NEK10: variants seen among roughly 807,000 people sequenced by gnomAD.
NEK10 encodes serine/threonine-protein kinase Nek10.
NEK10 carries 122 observed loss-of-function variants against 159.8 expected under a neutral mutation model. The ratio of observed to expected loss-of-function variants is 0.76; its 90% confidence interval spans 0.66 to 0.89. NEK10 has a LOEUF of 0.89. Among genes scored for constraint, NEK10 ranks in the 40% least tolerant of loss-of-function variants. The pLI is 0.00. For synonymous variants in NEK10, 466 were observed against 457.1 expected (o/e 1.02, Z -0.25); for missense variants, 1,342 against 1,323.1 (o/e 1.01, Z -0.22).
rs2047536702 is a variant in NEK10 at position 27,346,154 on chromosome 3, C to A, written c.195G>T (p.Arg65Ser). 1 of 1,613,622 alleles carries A rather than the reference C, an allele frequency of 6.2e-7. No individual in the cohort carries two copies. The highest frequency in any genetic ancestry group is 1.7e-5 in the Admixed American group (1 of 59,978). ...NSMTKSEPAI[R>S]AGGHRARGQW... ...GACCCCGAGCTCTGTGTCCACCCGC[C>A]CTGATGGCGGGCTCAGACTTCGTCA... is the stretch of plus-strand genomic sequence containing the variant. Residue 65 changes from arginine to serine, a missense_variant, in exon 4 of 36, where the codon AGG (arginine) becomes AGT (serine). By Grantham distance (110) the Arg-to-Ser change is moderately radical (BLOSUM62 -1). Transcript: ENST00000691995.
chr3:27,112,513 A>G (rs1433406943), intron 35 of NEK10, among the ~76,000 whole-genome samples: 1 of 152,192 alleles, frequency 6.6e-6, no homozygotes, highest in African/African-American at 2.4e-5. Flanking sequence ...AATGAGAACA[A>G]CAGAGATCTG....
chr3:27,117,861 C>T (rs990065421), intron 33 of NEK10, among the ~76,000 whole-genome samples: 26 of 152,114 alleles, frequency 1.7e-4, no homozygotes, highest in Non-Finnish European at 3.7e-4. Flanking sequence ...GTTATAATTG[C>T]TTTTGGCATT....
At chr3:27,280,155 C>G (rs1447951665) in intron 22 of NEK10, among the ~76,000 whole-genome samples, 2 of 143,214 alleles carry the variant, frequency 1.4e-5, no homozygotes, top group Admixed American at 1.4e-4. Context: ...ATGTTACTAA[C>G]CCACAGGAAC....
chr3:27,134,985 T>G (rs571378977), intron 31 of NEK10, among the ~76,000 whole-genome samples: 71 of 152,190 alleles, frequency 4.7e-4, no homozygotes, highest in Non-Finnish European at 7.2e-4. Flanking sequence ...AAGTACTATT[T>G]TATAGGTGAG....
At position 27,332,233 on chromosome 3, in the gene NEK10, T is replaced by C. The variant is rs559144095; in HGVS notation, c.363-9972A>G. 2.0e-5 allele frequency among the ~76,000 whole-genome samples: 3 copies of C among 152,356 alleles called. No homozygotes were observed. The East Asian group carries it at 5.8e-4, about 29-fold the overall frequency. On this transcript the variant is annotated intron_variant, in intron 5 of 35. Coordinates refer to ENST00000691995, the MANE Select transcript of NEK10 (RefSeq NM_001394966.1). ...TTTACGTTTAACAAAATTTAAGTTA[T>C]ACTGCAACATTGCCCTGGTAACTAG...
At chr3:27,200,454 A>G (rs918395522) in intron 25 of NEK10, among the ~76,000 whole-genome samples, 4 of 152,194 alleles carry the variant, frequency 2.6e-5, no homozygotes, top group African/African-American at 9.7e-5. Context: ...ACCCAACTTA[A>G]GTACTCAAGA....
At chr3:27,203,963 G>A (rs886598407) in intron 23 of NEK10, among the ~76,000 whole-genome samples, 2 of 152,056 alleles carry the variant, frequency 1.3e-5, no homozygotes, top group African/African-American at 4.8e-5. Flanking sequence ...TGTACAAAAA[G>A]TATTCCCTGC....
chr3:27,192,100 T>A lies in NEK10; in HGVS notation c.2434A>T (p.Thr812Ser). 6.2e-7 allele frequency: 1 copy of A among 1,614,232 alleles called. No individual in the cohort carries two copies. Among genetic ancestry groups the A allele is most frequent in the Non-Finnish European group, 8.5e-7 (1 of 1,180,036 alleles). The change falls in exon 26 of 36, where the codon ACA becomes TCA. Residue 812 changes from threonine to serine, a missense_variant. Thr to Ser is a moderately conservative substitution (Grantham distance 58). Coordinates refer to ENST00000691995, the MANE Select transcript of NEK10 (RefSeq NM_001394966.1). ...TTGGCTTCCATAAAATACCTTTGTG[T>A]GCGTCTTCGTTCCCGTTCTAGCTTC... ...EKKLERERRR[T>S]QRYFMEANRN...
intron 22 of NEK10, among the ~76,000 whole-genome samples, chr3:27,257,288 AT>A (rs1956302822): frequency 6.6e-6 from 1 of 152,218 alleles, no homozygotes; most frequent in South Asian, 2.1e-4. Context: ...TTTGCTACAG[AT>A]TCACAGATAT....
intron 7 of NEK10, among the ~76,000 whole-genome samples, chr3:27,312,697 A>G (rs1257962791): frequency 6.6e-6 from 1 of 152,216 alleles, no homozygotes; most frequent in Non-Finnish European, 1.5e-5. Flanking sequence ...TGATTATAAT[A>G]AGAAACAGGC....
chr3:27,271,149 T>TA (rs1199372572), intron 22 of NEK10, among the ~76,000 whole-genome samples: 2 of 148,056 alleles, frequency 1.4e-5, no homozygotes, highest in African/African-American at 2.5e-5. Context: ...TCTATCTATC[T>TA]TCTATCTATC....
At chr3:27,261,010 G>C (rs9757904) in intron 22 of NEK10, among the ~76,000 whole-genome samples, 32,181 of 152,016 alleles carry the variant, frequency 0.21, 7,057 homozygotes, top group African/African-American at 0.56. Flanking sequence ...TATTTGCGTA[G>C]AGGTGTTTAT....
At chr3:27,243,775 C>T (rs1158917582) in intron 23 of NEK10, among the ~76,000 whole-genome samples, 1 of 151,974 alleles carries the variant, frequency 6.6e-6, no homozygotes, top group African/African-American at 2.4e-5. Flanking sequence ...AGACTCATTA[C>T]AAGCATCATA....
Position 27,192,236 on chromosome 3 carries a change from G to C in NEK10, c.2298C>G (p.Leu766=). ...EKVTDTISRC[L]TPDAEARPDI... is the part of the protein sequence containing the mutation. The stretch of plus-strand genomic sequence containing the variant: ...CTGGACGAGCTTCCGCATCAGGAGT[G>C]AGGCACCTAAGATAACATGAGATAA... Residue 766 remains leucine (L), a synonymous_variant, in exon 26 of 36, where the codon CTC becomes CTG. Coordinates refer to ENST00000691995, the MANE Select transcript of NEK10 (RefSeq NM_001394966.1). 6.2e-7 allele frequency: 1 copy of C among 1,612,822 alleles called. No homozygotes were observed. Among genetic ancestry groups the C allele is most frequent in the Admixed American group, 1.7e-5 (1 of 60,024 alleles).
chr3:27,157,770 C>G (rs926107988), intron 30 of NEK10, among the ~76,000 whole-genome samples: 1 of 152,106 alleles, frequency 6.6e-6, no homozygotes, highest in Non-Finnish European at 1.5e-5. Context: ...TTGTGAAAGA[C>G]TGAATTGATT....
chr3:27,176,948 AG>A (rs529783873), intron 26 of NEK10, among the ~76,000 whole-genome samples: 22 of 152,232 alleles, frequency 1.4e-4, no homozygotes, highest in Non-Finnish European at 1.0e-4. Context: ...TCTTAAGAAC[AG>A]GCATGGATAA....
At chr3:27,119,948 T>G in intron 32 of NEK10, 80 bp from the exon 33 acceptor site, 1 of 986,688 alleles carries the variant, frequency 1.0e-6, no homozygotes, top group South Asian at 1.3e-5. Context: ...GGGTTTTTCA[T>G]TTCCCTATGT....
intron 5 of NEK10, among the ~76,000 whole-genome samples, chr3:27,339,939 G>A (rs7633273): frequency 0.99 from 150,566 of 152,338 alleles, 74,408 homozygotes; most frequent in East Asian, 1. Flanking sequence ...CCATTATGGA[G>A]GACAGCATGG....
At position 27,106,813 on chromosome 3, in the gene NEK10, G is replaced by A. The variant is rs1252135683; in HGVS notation, c.*4459C>T. Among the ~76,000 whole-genome samples, 2 of 152,170 alleles carry A rather than the reference G, an allele frequency of 1.3e-5. No homozygotes were observed. The highest frequency in any genetic ancestry group is 2.1e-4 in the South Asian group (1 of 4,832). On this transcript the variant is annotated 3_prime_UTR_variant, in exon 36 of 36. Transcript: ENST00000691995. The stretch of plus-strand genomic sequence containing the variant: ...ATCTGGATTTGTTGATTGTCAAAAT[G>A]ACAGTCAGCCATAATCCTCCATACA...
Sources: allele counts gnomAD v4.1 joint callset (sites outside exome capture counted in the v4.1 genomes callset), GRCh38; gene constraint gnomAD v4.1.1; transcripts MANE v1.5; gene names NCBI Gene and HGNC (gene_info 2026-07-23, HGNC 2026-07-21).